The following BRD10 variants were observed in gnomAD, a reference collection of about 807,000 sequenced individuals.
The protein encoded by BRD10 is bromodomain containing 10, also known as uncharacterized bromodomain-containing protein 10.
chr9:5,904,693 C>T, the BRD10 span, among the ~76,000 whole-genome samples: 12 of 151,722 alleles, frequency 7.9e-5, no homozygotes, highest in Non-Finnish European at 1.3e-4. Context: ...GGCTGGAACT[C>T]GACCTCAAGT....
the BRD10 span, among the ~76,000 whole-genome samples, chr9:6,000,060 A>G: frequency 1.2e-3 from 182 of 152,318 alleles, 2 homozygotes; most frequent in South Asian, 0.012. Flanking sequence ...TTATTGTAGA[A>G]TATCTAGGAC....
the BRD10 span, among the ~76,000 whole-genome samples, chr9:5,956,349 T>C: frequency 6.6e-6 from 1 of 152,112 alleles, no homozygotes; most frequent in African/African-American, 2.4e-5. Context: ...TATTAGGAAA[T>C]TGGAGGTAAT....
chr9:5,998,984 A>G, the BRD10 span, among the ~76,000 whole-genome samples: 1 of 152,024 alleles, frequency 6.6e-6, no homozygotes, highest in Non-Finnish European at 1.5e-5. Flanking sequence ...TTTTTTAAGG[A>G]TTATGTTCTT....
chr9:5,908,885 A>C, the BRD10 span: 1 of 576,022 alleles, frequency 1.7e-6, no homozygotes, highest in South Asian at 2.3e-5. Context: ...TCATGTGAGG[A>C]AATGATGAGA....
chr9:5,909,640 A>C, the BRD10 span: 1 of 152,260 alleles, frequency 6.6e-6, no homozygotes, highest in African/African-American at 2.4e-5. Context: ...ACTAATGACA[A>C]GTATTTTCTA....
At chr9:5,944,517 C>T in the BRD10 span, among the ~76,000 whole-genome samples, 12 of 152,026 alleles carry the variant, frequency 7.9e-5, no homozygotes, top group African/African-American at 2.9e-4. Context: ...TTTTATGTTA[C>T]TAAGCAATAA....
At chr9:5,921,095 T>C in the BRD10 span, 9 of 1,613,816 alleles carry the variant, frequency 5.6e-6, no homozygotes. Flanking sequence ...GGTAATATTC[T>C]GACTCACAAA....
chr9:5,913,961 T>C, the BRD10 span: 1 of 447,474 alleles, frequency 2.2e-6, no homozygotes, highest in Admixed American at 2.5e-5. Context: ...CGAGAAAGTC[T>C]TGGAAAGAAG....
At chr9:5,907,397 T>C in the BRD10 span, among the ~76,000 whole-genome samples, 1 of 152,186 alleles carries the variant, frequency 6.6e-6, no homozygotes, top group African/African-American at 2.4e-5. Context: ...ATTTATTGTA[T>C]AGAGCTGTGC....
chr9:5,967,980 A>C, the BRD10 span: 1 of 1,260,476 alleles, frequency 7.9e-7, no homozygotes, highest in Non-Finnish European at 1.1e-6. Context: ...AATTTGAATT[A>C]TACTTAAATA....
the BRD10 span, among the ~76,000 whole-genome samples, chr9:5,962,131 C>T: frequency 3.3e-5 from 5 of 152,088 alleles, no homozygotes; most frequent in Non-Finnish European, 7.4e-5. Flanking sequence ...TATAAATTTC[C>T]CTCTACACAC....
the BRD10 span, among the ~76,000 whole-genome samples, chr9:5,938,382 C>T: frequency 1.3e-5 from 2 of 152,124 alleles, no homozygotes; most frequent in Non-Finnish European, 2.9e-5. Flanking sequence ...GTCAAGGCTG[C>T]AGTGAGCTAG....
chr9:5,911,009 A>T, the BRD10 span, among the ~76,000 whole-genome samples: 2 of 151,834 alleles, frequency 1.3e-5, no homozygotes, highest in African/African-American at 4.8e-5. Flanking sequence ...TACTTTGTTG[A>T]TTGTTTCCTT....
the BRD10 span, among the ~76,000 whole-genome samples, chr9:5,933,296 A>G: frequency 6.6e-6 from 1 of 152,276 alleles, no homozygotes; most frequent in Non-Finnish European, 1.5e-5. Flanking sequence ...AATGCATTAC[A>G]TGAATTTCAT....
At chr9:5,983,553 G>C in the BRD10 span, among the ~76,000 whole-genome samples, 1 of 151,884 alleles carries the variant, frequency 6.6e-6, no homozygotes, top group African/African-American at 2.4e-5. Flanking sequence ...TGAGAGAAAT[G>C]AAGATATATA....
the BRD10 span, among the ~76,000 whole-genome samples, chr9:5,989,262 A>G: frequency 2.8e-5 from 3 of 108,880 alleles, no homozygotes; most frequent in African/African-American, 6.7e-5. Flanking sequence ...AAAAAAAAAA[A>G]TCCAAAAATT....
chr9:5,952,760 G>C, the BRD10 span, among the ~76,000 whole-genome samples: 1 of 152,162 alleles, frequency 6.6e-6, no homozygotes, highest in Non-Finnish European at 1.5e-5. Context: ...AAAAACAAAA[G>C]TCGGAGAAAT....
the BRD10 span, among the ~76,000 whole-genome samples, chr9:5,916,195 G>A: frequency 1.3e-5 from 2 of 152,070 alleles, no homozygotes; most frequent in East Asian, 1.9e-4. Flanking sequence ...AATGACTTCA[G>A]GTAAACTGTT....
chr9:5,923,073 T>C, the BRD10 span: 2 of 1,614,036 alleles, frequency 1.2e-6, no homozygotes, highest in South Asian at 1.1e-5. Flanking sequence ...TTTGATTCAC[T>C]GAAACAGTCA....
Sources: gnomAD v4.1 joint callset for allele counts (sites outside exome capture counted in the v4.1 genomes callset) on GRCh38, gnomAD v4.1.1 for gene constraint, MANE v1.5 for transcripts, NCBI Gene and HGNC (gene_info 2026-07-23, HGNC 2026-07-21) for gene names.